Variants in PCNX3 observed in about 807,000 individuals in gnomAD.
PCNX3 encodes the protein pecanex 3.
In PCNX3, 58 loss-of-function variants were observed where a neutral mutation model predicts 207.2. That is an observed-to-expected ratio of 0.28 (90% CI 0.23 to 0.35). The LOEUF is 0.35. Among genes scored for constraint, PCNX3 ranks in the 10% least tolerant of loss-of-function variants. PCNX3 has a pLI of 1.00. For missense variants in PCNX3, 2,410 were observed against 2,774.4 expected (o/e 0.87, Z 2.95); for synonymous variants, 1,337 against 1,183.5 (o/e 1.13, Z -2.66).
chr11:65,628,871 T>A lies in PCNX3; in HGVS notation c.3864T>A (p.Pro1288=). ...QALLSGLFST[P]LNPLLGSAVF... ...TGCTCTCGGGGCTCTTCTCCACGCC[T>A]CTCAACCCACTGCTAGGCAGTGCCG... The change falls in exon 24 of 35, where the codon CCT becomes CCA. Residue 1288 remains proline, a synonymous_variant. Transcript: ENST00000355703. The A allele has an allele frequency of 6.2e-7, 1 of 1,612,692 alleles. No individual in the cohort carries two copies. Among genetic ancestry groups the A allele is most frequent in the South Asian group, 1.1e-5 (1 of 91,056 alleles).
rs1033364106 is a variant in PCNX3, at chr11:65,625,119, C to T, written c.2920-52C>T. On this transcript the variant is annotated intron_variant, in intron 16 of 34. Coordinates refer to ENST00000355703, the MANE Select transcript of PCNX3 (RefSeq NM_032223.4). This position sits in a 1 kb window ranked among gnomAD's most constrained non-coding sequence, Gnocchi z 5.6. ...AGTGGCTTCTCACACGGGGGCAGCC[C>T]GGGCCCCATGCTTACCTCACCTCCC... 44 of 1,556,012 alleles carry T rather than the reference C, an allele frequency of 2.8e-5. No homozygotes were observed. The highest frequency in any genetic ancestry group is 3.4e-5 in the Non-Finnish European group (39 of 1,141,240).
At chr11:65,628,733 G>A (rs750039870) in intron 23 of PCNX3, 30 bp downstream of exon 23, 2 of 1,604,480 alleles carry the variant, frequency 1.2e-6, no homozygotes, top group South Asian at 1.1e-5. Flanking sequence ...GTGGGGGTGT[G>A]CAGGGAGGGC....
In PCNX3 at chr11:65,620,377, G is replaced by A. The variant is rs767113292; in HGVS notation, c.2047G>A (p.Gly683Ser). 7 of 1,613,364 alleles carry A rather than the reference G, an allele frequency of 4.3e-6. No individual in the cohort carries two copies. The highest frequency in any genetic ancestry group is 4.0e-5 in the African/African-American group (3 of 74,904). Reference protein sequence around the residue: ...RSYTFGLAGGGYENPVGQQGE... With the variant: ...RSYTFGLAGGSYENPVGQQGE... ...CTACACCTTTGGCCTGGCTGGAGGC[G>A]GCTACGAGAACCCTGTAGGGCAGCA... Residue 683 changes from glycine to serine, a missense_variant, in exon 9 of 35, where the codon GGC becomes AGC. Around this residue, in one of 8 missense-constraint regions of PCNX3, gnomAD observed 1,104 missense variants for 970.3 expected, o/e 1.14. Coordinates refer to ENST00000355703, the MANE Select transcript of PCNX3 (RefSeq NM_032223.4).
In PCNX3 at chr11:65,630,528, G is replaced by C; in HGVS notation, c.4394G>C (p.Ser1465Thr). The change falls in exon 27 of 35, where the codon AGC (serine) becomes ACC (threonine). Residue 1465 changes from serine (S) to threonine (T), a missense_variant. Physicochemically the swap from Ser to Thr is moderately conservative, Grantham distance 58. Around this residue, in one of 8 missense-constraint regions of PCNX3, gnomAD observed 420 missense variants for 705.3 expected, o/e 0.60. Transcript: ENST00000355703. ...AGCAAGTACGTGCTGGAGGGCTATAGCATTAGTGACAATAATGCTGCCTCC... is the reference window on the plus strand; with the variant it reads ...AGCAAGTACGTGCTGGAGGGCTATACCATTAGTGACAATAATGCTGCCTCC... Reference protein sequence around the residue: ...TASKYVLEGYSISDNNAASML... With the variant: ...TASKYVLEGYTISDNNAASML... The C allele has an allele frequency of 1.2e-6, 2 of 1,613,646 alleles. No individual in the cohort carries two copies. Among genetic ancestry groups the C allele is most frequent in the Non-Finnish European group, 1.7e-6 (2 of 1,179,870 alleles).
In PCNX3 at chr11:65,619,599, A is replaced by G. The variant is rs1175296858; in HGVS notation, c.1768A>G (p.Arg590Gly). The G allele has an allele frequency of 3.7e-6, 6 of 1,607,174 alleles. No homozygotes were observed. Among genetic ancestry groups the G allele is most frequent in the Non-Finnish European group, 4.2e-6 (5 of 1,178,948 alleles). The change falls in exon 7 of 35, where the codon AGA becomes GGA. Residue 590 changes from arginine to glycine, a missense_variant. Arg to Gly is a moderately radical substitution (Grantham distance 125). This residue lies in a region of PCNX3 where 1,104 missense variants were observed against 970.3 expected (regional missense o/e 1.14). Coordinates refer to ENST00000355703, the MANE Select transcript of PCNX3 (RefSeq NM_032223.4). ...TGTGAGGCGGACCCAGGCCATTCGG[A>G]GACGCCACAATGCAGGCAGCAACCC... ...SSVRRTQAIR[R>G]RHNAGSNPTP... is the part of the protein sequence containing the mutation.
chr11:65,620,084 C>T (rs888639315), intron 8 of PCNX3, among the ~76,000 whole-genome samples, 152 bp downstream of exon 8: 4 of 152,224 alleles, frequency 2.6e-5, no homozygotes, highest in Non-Finnish European at 5.9e-5. Context: ...GGCACGGTGT[C>T]TCTGTCATCT....
Position 65,618,222 on chromosome 11 carries a change from C to T in PCNX3, c.860C>T (p.Ser287Leu). 3.1e-6 allele frequency: 5 copies of T among 1,605,510 alleles called. No individual in the cohort carries two copies. The highest frequency in any genetic ancestry group is 3.4e-6 in the Non-Finnish European group (4 of 1,175,904). The change falls in exon 6 of 35, where the codon TCA becomes TTA. Residue 287 changes from serine to leucine, a missense_variant. By Grantham distance (145) the Ser-to-Leu change is moderately radical (BLOSUM62 -2). Coordinates refer to ENST00000355703, the MANE Select transcript of PCNX3 (RefSeq NM_032223.4). ...GGYQPLDRRG[S>L]GEPTPQKAGS... ...TATCAGCCCCTTGACCGGCGGGGCT[C>T]AGGGGAGCCCACGCCCCAGAAAGCC...
At chr11:65,623,415 G>A in intron 11 of PCNX3, 76 bp from the exon 12 acceptor site, 1 of 1,486,116 alleles carries the variant, frequency 6.7e-7, no homozygotes, top group South Asian at 1.4e-5. Context: ...GGCCTTTAGG[G>A]CAAGATCCAT....
chr11:65,616,663 G>A (rs1390830171), intron 1 of PCNX3, among the ~76,000 whole-genome samples, 161 bp from the exon 2 acceptor site: 3 of 152,210 alleles, frequency 2.0e-5, no homozygotes, highest in East Asian at 1.9e-4. Context: ...ATCCAGCTAA[G>A]CAGAATACAG....
In PCNX3 at chr11:65,629,721, G is replaced by A. The variant is rs1282840121; in HGVS notation, c.4202G>A (p.Gly1401Asp). Reference sequence around the variant, plus strand: ...GGCCTCGTCACCTTCCAGCTGCGTGGCCTTGAGTTCCGGGGTGAGCCGCAG... The same window carrying A: ...GGCCTCGTCACCTTCCAGCTGCGTGACCTTGAGTTCCGGGGTGAGCCGCAG... ...GNGLVTFQLR[G>D]LEFRGTYCQQ... The change falls in exon 26 of 35, where the codon GGC becomes GAC. Residue 1401 changes from glycine to aspartate, a missense_variant. Gly to Asp is a moderately conservative substitution (Grantham distance 94). Coordinates refer to ENST00000355703, the MANE Select transcript of PCNX3 (RefSeq NM_032223.4). 1 of 1,550,974 alleles carries A rather than the reference G, an allele frequency of 6.4e-7. No homozygotes were observed. Among genetic ancestry groups the A allele is most frequent in the Non-Finnish European group, 8.7e-7 (1 of 1,147,624 alleles).
In PCNX3 at chr11:65,629,383, C is replaced by G. The variant is rs938121618; in HGVS notation, c.3968C>G (p.Thr1323Ser). The change falls in exon 25 of 35, where the codon ACC becomes AGC. Residue 1323 changes from threonine to serine, a missense_variant. Physicochemically the swap from Thr to Ser is moderately conservative, Grantham distance 58 (BLOSUM62 1). Around this residue, in one of 8 missense-constraint regions of PCNX3, gnomAD observed 420 missense variants for 705.3 expected, o/e 0.60. Transcript: ENST00000355703. The stretch of plus-strand genomic sequence containing the variant: ...ACTAAACGTGTGGATCATTCCAACA[C>G]CCGCCTGGTCACACAGCTGGACAGG... ...YNTKRVDHSN[T>S]RLVTQLDRNP... The G allele has an allele frequency of 6.2e-7, 1 of 1,611,754 alleles. No individual in the cohort carries two copies. The highest frequency in any genetic ancestry group is 8.5e-7 in the Non-Finnish European group (1 of 1,178,948).
At chr11:65,624,885 T>G in intron 15 of PCNX3, 40 bp from the exon 16 acceptor site, 1 of 1,570,736 alleles carries the variant, frequency 6.4e-7, no homozygotes, top group Non-Finnish European at 8.7e-7. Context: ...GTGGGGTACC[T>G]GCAAGTGAGA....
At chr11:65,622,912 CT>C (rs944782190) in intron 11 of PCNX3, among the ~76,000 whole-genome samples, 2 of 150,884 alleles carry the variant, frequency 1.3e-5, no homozygotes, top group Admixed American at 6.6e-5. Flanking sequence ...ATCCTATTCA[CT>C]TTTTTTTTAT....
chr11:65,635,875 A>G lies in PCNX3; in HGVS notation c.5459+72A>G. ...GTGCAGTACGTCCCTCCTGGGTCTCAGAGGGAGGACGTGCTGGAGCCAGGG... is the reference window on the plus strand; with the variant it reads ...GTGCAGTACGTCCCTCCTGGGTCTCGGAGGGAGGACGTGCTGGAGCCAGGG... On this transcript the variant is annotated intron_variant, in intron 32 of 34. Coordinates refer to ENST00000355703, the MANE Select transcript of PCNX3 (RefSeq NM_032223.4). This position sits in a 1 kb window ranked among gnomAD's most constrained non-coding sequence, Gnocchi z 9.9. 2 of 1,498,780 alleles carry G rather than the reference A, an allele frequency of 1.3e-6. No individual in the cohort carries two copies. Among genetic ancestry groups the G allele is most frequent in the Non-Finnish European group, 1.8e-6 (2 of 1,120,478 alleles). 92.8% of individuals were successfully genotyped at this position (1,498,780 alleles called of 1,614,324 possible).
In PCNX3 at chr11:65,619,591, C is replaced by T. The variant is rs1436198363; in HGVS notation, c.1760C>T (p.Ala587Val). Residue 587 changes from alanine (A) to valine (V), a missense_variant, in exon 7 of 35, where the codon GCC (alanine) becomes GTC (valine). Transcript: ENST00000355703. ...DRSSSVRRTQ[A>V]IRRRHNAGSN... ...TCAAGCAGTGTGAGGCGGACCCAGG[C>T]CATTCGGAGACGCCACAATGCAGGC... The T allele has an allele frequency of 1.9e-6, 3 of 1,608,004 alleles. No individual in the cohort carries two copies. The highest frequency in any genetic ancestry group is 2.7e-5 in the African/African-American group (2 of 74,928).
In PCNX3 at chr11:65,618,718, C is replaced by T; in HGVS notation, c.1356C>T (p.Cys452=). ...CTGACAGCTCCTCTTCTACTTCCTG[C>T]TACTCCCCTGAGAGCTCCCGGGGTG... ...YSTDSSSSTS[C]YSPESSRGAA... The change falls in exon 6 of 35, where the codon TGC becomes TGT. Residue 452 remains cysteine (C), a synonymous_variant. Coordinates refer to ENST00000355703, the MANE Select transcript of PCNX3 (RefSeq NM_032223.4). The T allele has an allele frequency of 6.2e-7, 1 of 1,612,812 alleles. No individual in the cohort carries two copies.
At chr11:65,624,796 G>A (rs1855294690) in intron 15 of PCNX3, 129 bp from the exon 16 acceptor site, 1 of 1,023,020 alleles carries the variant, frequency 9.8e-7, no homozygotes, top group Non-Finnish European at 1.4e-6. Context: ...GCTTGGGGCA[G>A]CAGAGAACAA....
intron 22 of PCNX3, 23 bp downstream of exon 22, chr11:65,627,605 GA>G: frequency 1.2e-6 from 2 of 1,612,050 alleles, no homozygotes; most frequent in Non-Finnish European, 1.7e-6. Flanking sequence ...CTGTGGCCCA[GA>G]CCCCAGGCTG....
chr11:65,626,697 A>G, intron 20 of PCNX3: 1 of 645,954 alleles, frequency 1.5e-6, no homozygotes, highest in Admixed American at 3.0e-5. Context: ...AGCACCTGCC[A>G]TAAAGCAAGC....
Sources: allele counts gnomAD v4.1 joint callset (sites outside exome capture counted in the v4.1 genomes callset), GRCh38; gene constraint gnomAD v4.1.1; regional missense constraint gnomAD v4.1.1; non-coding constraint Gnocchi (gnomAD v3.1); transcripts MANE v1.5; gene names NCBI Gene and HGNC (gene_info 2026-07-23, HGNC 2026-07-21).